The following BRCA2 variants were observed in gnomAD, a reference collection of about 807,000 sequenced individuals.
BRCA2 encodes the protein BRCA2 DNA repair associated, also known as breast cancer type 2 susceptibility protein.
In BRCA2, 203 loss-of-function variants were observed where a neutral mutation model predicts 276.7. The ratio of observed to expected loss-of-function variants is 0.73; its 90% CI spans 0.65 to 0.82. The LOEUF is 0.82. Ranked by LOEUF, BRCA2 falls within the 40% of genes least tolerant of loss-of-function variation. The pLI, the probability that BRCA2 is intolerant of heterozygous loss-of-function variation, is 0.00. For missense variants in BRCA2, 3,920 were observed against 3,915.0 expected (o/e 1.00, Z -0.03); for synonymous variants, 1,289 against 1,338.4 (o/e 0.96, Z 0.81).
intron 3 of BRCA2, among the ~76,000 whole-genome samples, chr13:32,323,032 A>G (rs976305376): frequency 1.3e-5 from 2 of 152,142 alleles, no homozygotes; most frequent in African/African-American, 4.8e-5. Context: ...TTGTATTCCC[A>G]CCAGCAGTGA....
chr13:32,370,336 T>C lies in BRCA2; in HGVS notation c.8332-66T>C, dbSNP rs81002808. On this transcript the variant is annotated intron_variant, in intron 18 of 26. Coordinates refer to ENST00000380152, the MANE Select transcript of BRCA2 (RefSeq NM_000059.4). ...AGTTCTAGAAGAATGAAAACTCTTATGATATCTGTAATAGAATTGAATACA... is the reference window on the plus strand; with the variant it reads ...AGTTCTAGAAGAATGAAAACTCTTACGATATCTGTAATAGAATTGAATACA... 422 of 1,470,722 alleles carry C rather than the reference T, an allele frequency of 2.9e-4. 3 individuals carry two copies. The African/African-American group carries it at 4.4e-3, about 15-fold the overall frequency. 91.1% of individuals were successfully genotyped at this position (1,470,722 alleles called of 1,614,324 possible). A position where few individuals can be genotyped will look rare whatever the true frequency, so the allele number is the denominator to read the frequency against.
In BRCA2 at chr13:32,378,427, A is replaced by G. The variant is rs1011596718; in HGVS notation, c.8755-890A>G. ...CATCCATTTTTAAAACAGTCCTGTT[A>G]GAATTTGTTTTCAGTAACAATGTTG... On this transcript the variant is annotated intron_variant, in intron 21 of 26. Coordinates refer to ENST00000380152, the MANE Select transcript of BRCA2 (RefSeq NM_000059.4). Among the ~76,000 whole-genome samples, 4 of 152,244 alleles carry G rather than the reference A, an allele frequency of 2.6e-5. No individual in the cohort carries two copies. In the South Asian group the frequency reaches 6.2e-4, roughly 24 times the overall value.
chr13:32,388,650 G>A (rs1012963245), intron 24 of BRCA2, among the ~76,000 whole-genome samples: 6 of 137,792 alleles, frequency 4.4e-5, no homozygotes, highest in Non-Finnish European at 9.2e-5. Context: ...TAGGTTAAAT[G>A]TATTAAATGC....
At position 32,338,859 on chromosome 13, in the gene BRCA2, C is replaced by G. The variant is rs1060502425; in HGVS notation, c.4504C>G (p.Gln1502Glu). 6.2e-7 allele frequency: 1 copy of G among 1,613,864 alleles called. No homozygotes were observed. The highest frequency in any genetic ancestry group is 8.5e-7 in the Non-Finnish European group (1 of 1,179,868). ...AAGTGTCCCAGTTGGTACTGGAAAT[C>G]AACTAGTGACCTTCCAGGGACAACC... ...KESVPVGTGN[Q>E]LVTFQGQPER... is the part of the protein sequence containing the mutation. Residue 1502 changes from glutamine to glutamate, a missense_variant, in exon 11 of 27, where the codon CAA (glutamine) becomes GAA (glutamate). By Grantham distance (29) the Gln-to-Glu change is conservative. Coordinates refer to ENST00000380152, the MANE Select transcript of BRCA2 (RefSeq NM_000059.4).
chr13:32,397,656 A>G (rs1044842646), intron 26 of BRCA2, among the ~76,000 whole-genome samples: 3 of 152,196 alleles, frequency 2.0e-5, no homozygotes, highest in African/African-American at 7.2e-5. Flanking sequence ...TGTTTGACTT[A>G]AAGTCACAGT....
At chr13:32,359,447 TC>T (rs2072724517) in intron 16 of BRCA2, among the ~76,000 whole-genome samples, 1 of 152,114 alleles carries the variant, frequency 6.6e-6, no homozygotes, top group African/African-American at 2.4e-5. Context: ...CTATATAACC[TC>T]TTTTTATTGT....
At position 32,396,917 on chromosome 13, in the gene BRCA2, A is replaced by G. The variant is rs1555289773; in HGVS notation, c.9521A>G (p.Asn3174Ser). ...TCTTAGAATATTGACATACTTTGCA[A>G]TGAAGCAGAAAACAAGCTTATGCAT... is the stretch of plus-strand genomic sequence containing the variant. Reference protein sequence around the residue: ...NTVENIDILCNEAENKLMHIL... With the variant: ...NTVENIDILCSEAENKLMHIL... The change falls in exon 26 of 27, where the codon AAT becomes AGT. Residue 3174 changes from asparagine (N) to serine (S), a missense_variant. By Grantham distance (46) the Asn-to-Ser change is conservative. Coordinates refer to ENST00000380152, the MANE Select transcript of BRCA2 (RefSeq NM_000059.4). 6.2e-7 allele frequency: 1 copy of G among 1,614,146 alleles called. No homozygotes were observed. Among genetic ancestry groups the G allele is most frequent in the Non-Finnish European group, 8.5e-7 (1 of 1,180,006 alleles).
At position 32,341,211 on chromosome 13, in the gene BRCA2, T is replaced by C. The variant is rs1566235511; in HGVS notation, c.6841+15T>C. The stretch of plus-strand genomic sequence containing the variant: ...TATCTTAGTGGGTAAGTGTTCATTT[T>C]TACCTTTCGTGTTGCCAATCACTAT... On this transcript the variant is annotated intron_variant, in intron 11 of 26. Coordinates refer to ENST00000380152, the MANE Select transcript of BRCA2 (RefSeq NM_000059.4). 2 of 1,613,718 alleles carry C rather than the reference T, an allele frequency of 1.2e-6. No homozygotes were observed. The highest frequency in any genetic ancestry group is 2.7e-5 in the African/African-American group (2 of 74,936).
chr13:32,381,927 A>G (rs925950657), intron 24 of BRCA2, among the ~76,000 whole-genome samples: 4 of 152,162 alleles, frequency 2.6e-5, no homozygotes, highest in Admixed American at 1.3e-4. Flanking sequence ...GAACATTGGG[A>G]AAAATGGAAT....
At chr13:32,329,120 C>T (rs2072370292) in intron 7 of BRCA2, among the ~76,000 whole-genome samples, 1 of 152,086 alleles carries the variant, frequency 6.6e-6, no homozygotes, top group Non-Finnish European at 1.5e-5. Context: ...TAAATGAATG[C>T]TAAAGTCTCC....
Position 32,326,614 on chromosome 13 carries a change from G to A in BRCA2, c.631+1G>A, listed in dbSNP as rs81002897. Reference sequence around the variant, plus strand: ...ACCCTTAGTTCTACTGTGCTCATAGGTAATAATAGCAAATGTGTATTTACA... The same window carrying A: ...ACCCTTAGTTCTACTGTGCTCATAGATAATAATAGCAAATGTGTATTTACA... On this transcript the variant is annotated splice_donor_variant, in intron 7 of 26. Transcript: ENST00000380152. LOFTEE classifies it high-confidence loss of function. 1 of 1,576,430 alleles carries A rather than the reference G, an allele frequency of 6.3e-7. No individual in the cohort carries two copies. The highest frequency in any genetic ancestry group is 8.7e-7 in the Non-Finnish European group (1 of 1,146,478).
intron 1 of BRCA2, 27 bp from the exon 2 acceptor site, chr13:32,316,395 A>C (rs2072259129): frequency 7.3e-7 from 1 of 1,363,726 alleles, no homozygotes; most frequent in African/African-American, 1.4e-5. Context: ...TCCCTGTGTA[A>C]GTGCATTTTG....
At chr13:32,372,009 C>T (rs957394804) in intron 20 of BRCA2, among the ~76,000 whole-genome samples, 1 of 152,150 alleles carries the variant, frequency 6.6e-6, no homozygotes, top group African/African-American at 2.4e-5. Flanking sequence ...GCTGAGTGAT[C>T]AGAGTGGTAG....
At position 32,339,285 on chromosome 13, in the gene BRCA2, G is replaced by C. The variant is rs1555283989; in HGVS notation, c.4930G>C (p.Glu1644Gln). 2 of 1,606,460 alleles carry C rather than the reference G, an allele frequency of 1.2e-6. No individual in the cohort carries two copies. The highest frequency in any genetic ancestry group is 1.7e-5 in the Admixed American group (1 of 58,302). The change falls in exon 11 of 27, where the codon GAA (glutamate) becomes CAA (glutamine). Residue 1644 changes from glutamate to glutamine, a missense_variant. Glu to Gln is a conservative substitution (Grantham distance 29). This residue lies in a region of BRCA2 where 3,263 missense variants were observed against 3,156.9 expected (regional missense o/e 1.03). Transcript: ENST00000380152. ...FLKVKVHENVEKETAKSPATC... is the reference protein window; with the variant it reads ...FLKVKVHENVQKETAKSPATC... The stretch of plus-strand genomic sequence containing the variant: ...GAAAGTTAAAGTACATGAAAATGTA[G>C]AAAAAGAAACAGCAAAAAGTCCTGC...
chr13:32,358,876 G>T (rs1331112656), intron 16 of BRCA2, among the ~76,000 whole-genome samples: 1 of 151,996 alleles, frequency 6.6e-6, no homozygotes, highest in East Asian at 1.9e-4. Context: ...GGAGGTTGCA[G>T]TGAGCCAAGA....
At chr13:32,352,398 A>T (rs1369959253) in intron 13 of BRCA2, among the ~76,000 whole-genome samples, 4 of 152,250 alleles carry the variant, frequency 2.6e-5, no homozygotes, top group African/African-American at 9.6e-5. Context: ...AGTGAAAGAT[A>T]TAAGGATAAA....
chr13:32,379,488 A>C lies in BRCA2; in HGVS notation c.8926A>C (p.Ser2976Arg). Residue 2976 changes from serine to arginine, a missense_variant, in exon 22 of 27, where the codon AGC becomes CGC. Ser to Arg is a moderately radical substitution (Grantham distance 110). Transcript: ENST00000380152. ...VTTVWKLRIV[S>R]YSKKEKDSVI... ...AACCGTGTGGAAGTTGCGTATTGTA[A>C]GCTATTCAAAAAAAGAAAAAGATTC... The C allele has an allele frequency of 6.2e-7, 1 of 1,613,206 alleles. No homozygotes were observed. Among genetic ancestry groups the C allele is most frequent in the Non-Finnish European group, 8.5e-7 (1 of 1,179,792 alleles).
chr13:32,331,964 G>C (rs1443415460), intron 9 of BRCA2, among the ~76,000 whole-genome samples: 1 of 152,122 alleles, frequency 6.6e-6, no homozygotes, highest in Non-Finnish European at 1.5e-5. Context: ...ATATTTAATT[G>C]TATATATAGT....
At position 32,347,807 on chromosome 13, in the gene BRCA2, A is replaced by G. The variant is rs9567578; in HGVS notation, c.7007+911A>G. Among the ~76,000 whole-genome samples the G allele has an allele frequency of 0.28, 43,164 of 152,068 alleles. 6,309 individuals are homozygous for G. Among genetic ancestry groups the G allele is most frequent in the East Asian group, 0.4 (2,055 of 5,172 alleles). On this transcript the variant is annotated intron_variant, in intron 13 of 26. Coordinates refer to ENST00000380152, the MANE Select transcript of BRCA2 (RefSeq NM_000059.4). ...AATACTGACAGTTGAGGATACTCAG[A>G]TGAAACAGTATAGCCAGTCACCAGA... is the stretch of plus-strand genomic sequence containing the variant.
Sources: allele counts gnomAD v4.1 joint callset (sites outside exome capture counted in the v4.1 genomes callset), GRCh38; gene constraint gnomAD v4.1.1; regional missense constraint gnomAD v4.1.1; transcripts MANE v1.5; gene names NCBI Gene and HGNC (gene_info 2026-07-23, HGNC 2026-07-21).